Variants in DPP10 observed in about 807,000 individuals in gnomAD.
The protein encoded by DPP10 is inactive dipeptidyl peptidase 10.
A neutral mutation model predicts 120.9 loss-of-function variants in DPP10; 33 were observed. That is an observed-to-expected ratio of 0.27 (90% CI 0.21 to 0.37). The LOEUF (loss-of-function observed/expected upper bound fraction) is 0.37, where lower values mean the gene tolerates loss of function less well. Ranked by LOEUF, DPP10 falls within the 10% of genes least tolerant of loss-of-function variation. The probability of loss-of-function intolerance (pLI) is 1.00; values close to 1 mark genes in which losing one functional copy is unlikely to be tolerated. For missense variants in DPP10, 816 were observed against 942.8 expected, an observed-to-expected ratio of 0.87 and a Z score of 1.76; for synonymous variants, 337 against 326.1, an observed-to-expected ratio of 1.03 and a Z score of -0.36.
intron 1 of DPP10, among the ~76,000 whole-genome samples, chr2:114,941,853 G>A (rs544627881): frequency 6.6e-5 from 10 of 152,188 alleles, no homozygotes; most frequent in African/African-American, 2.4e-4. Context: ...TGAGAAACAT[G>A]AGGACGTGGT....
intron 1 of DPP10, among the ~76,000 whole-genome samples, chr2:114,891,399 A>G (rs1438553397): frequency 6.6e-6 from 1 of 152,222 alleles, no homozygotes; most frequent in Non-Finnish European, 1.5e-5. Context: ...TTTAGCTCTC[A>G]GGGCTCTTAG....
At chr2:115,290,420 A>T (rs1420714381) in intron 1 of DPP10, among the ~76,000 whole-genome samples, 1 of 152,148 alleles carries the variant, frequency 6.6e-6, no homozygotes, top group Non-Finnish European at 1.5e-5. Flanking sequence ...AGGCAGGTGG[A>T]TATGTGATTA....
chr2:115,138,010 A>T (rs186176524), intron 1 of DPP10, among the ~76,000 whole-genome samples: 1 of 152,318 alleles, frequency 6.6e-6, no homozygotes, highest in African/African-American at 2.4e-5. Context: ...ATGAGGACAG[A>T]AAGAGGCACG....
At position 115,023,437 on chromosome 2, in the gene DPP10, A is replaced by G. The variant is rs568075385; in HGVS notation, c.61-285802A>G. The stretch of plus-strand genomic sequence containing the variant: ...CAGAGAAATGCAAATCAAAACCACA[A>G]CTCAATACCACCTGCCTCCTGCAAG... On this transcript the variant is annotated intron_variant, in intron 1 of 25. Coordinates refer to ENST00000410059, the MANE Select transcript of DPP10 (RefSeq NM_020868.6). Among the ~76,000 whole-genome samples, 28 of 152,214 alleles carry G rather than the reference A, an allele frequency of 1.8e-4. 1 individual carries two copies. In the South Asian group the frequency reaches 4.8e-3, roughly 26 times the overall value.
chr2:115,028,312 ATTTT>A (rs930694803), intron 1 of DPP10, among the ~76,000 whole-genome samples: 9 of 152,050 alleles, frequency 5.9e-5, no homozygotes, highest in African/African-American at 2.2e-4. Context: ...TGGTTCAAGA[ATTTT>A]TATAATATCC....
chr2:114,947,222 A>G (rs924541930), intron 1 of DPP10, among the ~76,000 whole-genome samples: 2 of 151,982 alleles, frequency 1.3e-5, no homozygotes, highest in Non-Finnish European at 2.9e-5. Flanking sequence ...TCTGACCTGG[A>G]TTGGTGATTG....
At chr2:115,431,176 A>C (rs1356929950) in intron 3 of DPP10, among the ~76,000 whole-genome samples, 4 of 152,206 alleles carry the variant, frequency 2.6e-5, no homozygotes, top group African/African-American at 4.8e-5. Context: ...GATAAATATG[A>C]GGCAGTTTGT....
intron 1 of DPP10, among the ~76,000 whole-genome samples, chr2:115,079,828 A>G (rs181453166): frequency 1.3e-3 from 201 of 152,316 alleles, no homozygotes; most frequent in African/African-American, 4.7e-3. Flanking sequence ...AGGTCAACAG[A>G]GAAATGGCGT....
intron 1 of DPP10, among the ~76,000 whole-genome samples, chr2:114,748,988 C>T (rs573389000): frequency 0.02 from 2,545 of 129,186 alleles, 28 homozygotes; most frequent in Non-Finnish European, 0.029. Context: ...CACTGACTTC[C>T]ACAATGGTTG....
chr2:115,714,348 T>C (rs999811131), intron 7 of DPP10, among the ~76,000 whole-genome samples: 2 of 152,324 alleles, frequency 1.3e-5, no homozygotes, highest in Non-Finnish European at 2.9e-5. Context: ...TCCAGATCAA[T>C]TAAAAATAAA....
intron 5 of DPP10, among the ~76,000 whole-genome samples, chr2:115,573,276 ATTTTTTTTTTTTTTT>A (rs34420249): frequency 1.2e-5 from 1 of 86,528 alleles, no homozygotes; most frequent in Non-Finnish European, 2.3e-5. Context: ...GCTTCCTGGG[ATTTTTTTTTTTTTTT>A]TTTTTTTTTG....
At chr2:115,491,012 A>G (rs1390052350) in intron 3 of DPP10, among the ~76,000 whole-genome samples, 1 of 152,098 alleles carries the variant, frequency 6.6e-6, no homozygotes, top group East Asian at 1.9e-4. Flanking sequence ...CAGCTATTCC[A>G]GAGGCTGAGG....
At position 115,103,249 on chromosome 2, in the gene DPP10, G is replaced by A. The variant is rs545284293; in HGVS notation, c.61-205990G>A. Among the ~76,000 whole-genome samples, 102 of 147,162 alleles carry A rather than the reference G, an allele frequency of 6.9e-4. 2 individuals carry two copies. Among genetic ancestry groups the A allele is most frequent in the African/African-American group, 2.2e-3 (89 of 39,816 alleles). ...GTCGCCCAGGCTGGAGTGCAGTGGC[G>A]CAATCTCGGCTCACTGCAAGCTCCC... On this transcript the variant is annotated intron_variant, in intron 1 of 25. Transcript: ENST00000410059.
intron 3 of DPP10, among the ~76,000 whole-genome samples, chr2:115,420,743 G>T (rs2104675859): frequency 6.6e-6 from 1 of 152,258 alleles, no homozygotes; most frequent in South Asian, 2.1e-4. Flanking sequence ...TGGCAGCCAT[G>T]ATTTTTAAGA....
At position 115,681,410 on chromosome 2, in the gene DPP10, G is replaced by A. The variant is rs927994831; in HGVS notation, c.442-8277G>A. On this transcript the variant is annotated intron_variant, in intron 5 of 25. Transcript: ENST00000410059. ...TGTTAATTATGTATGAGGGTATAGT[G>A]TTATGCAAAGTTACAAATACAAAAT... Among the ~76,000 whole-genome samples, 4 of 151,806 alleles carry A rather than the reference G, an allele frequency of 2.6e-5. No homozygotes were observed. The East Asian group carries it at 7.7e-4, about 29-fold the overall frequency.
chr2:115,017,674 TA>T (rs61388707), intron 1 of DPP10, among the ~76,000 whole-genome samples: 146,372 of 152,104 alleles, frequency 0.96, 70,670 homozygotes, highest in East Asian at 1. Flanking sequence ...TATGCAGCCA[TA>T]AAAAAATGAT....
At chr2:115,542,817 G>T (rs2079250816) in intron 5 of DPP10, among the ~76,000 whole-genome samples, 1 of 151,834 alleles carries the variant, frequency 6.6e-6, no homozygotes, top group African/African-American at 2.4e-5. Flanking sequence ...AATTTCCCAT[G>T]ACGTTACTTC....
At chr2:114,651,335 C>T (rs1173251521) in intron 1 of DPP10, among the ~76,000 whole-genome samples, 1 of 152,094 alleles carries the variant, frequency 6.6e-6, no homozygotes, top group Non-Finnish European at 1.5e-5. Context: ...GCCAGACTTC[C>T]TCATTTTTCT....
chr2:114,612,505 C>T (rs1693360271), intron 1 of DPP10, among the ~76,000 whole-genome samples: 1 of 152,162 alleles, frequency 6.6e-6, no homozygotes, highest in African/African-American at 2.4e-5. Flanking sequence ...TGTTTCTTTG[C>T]TTTCTCCTTA....
Sources: allele counts gnomAD v4.1 joint callset (sites outside exome capture counted in the v4.1 genomes callset), GRCh38; gene constraint gnomAD v4.1.1; transcripts MANE v1.5; gene names NCBI Gene and HGNC (gene_info 2026-07-23, HGNC 2026-07-21).